The following SPTLC2 variants were observed in gnomAD, a reference collection of about 807,000 sequenced individuals.
SPTLC2 encodes serine palmitoyltransferase long chain base subunit 2.
In SPTLC2, 21 loss-of-function variants were observed where a neutral mutation model predicts 62.0. The observed-to-expected ratio is 0.34, with a 90% CI of 0.24 to 0.49. The LOEUF (loss-of-function observed/expected upper bound fraction) is 0.49, where lower values mean the gene tolerates loss of function less well. Among genes scored for constraint, SPTLC2 ranks in the 20% least tolerant of loss-of-function variants. The pLI is 0.99. For missense variants in SPTLC2, 511 were observed against 713.0 expected (o/e 0.72, Z 3.23); for synonymous variants, 261 against 261.8 (o/e 1.00, Z 0.03).
chr14:77,569,744 AC>A (rs2079666635), intron 5 of SPTLC2, among the ~76,000 whole-genome samples: 1 of 134,846 alleles, frequency 7.4e-6, no homozygotes, highest in South Asian at 2.4e-4. Context: ...CACACACACT[AC>A]CCACTTGGGG....
At chr14:77,513,769 C>A (rs543451642) in intron 11 of SPTLC2, among the ~76,000 whole-genome samples, 1 of 152,078 alleles carries the variant, frequency 6.6e-6, no homozygotes, top group Non-Finnish European at 1.5e-5. Flanking sequence ...GTGGCACATG[C>A]CTGTAATCCC....
intron 5 of SPTLC2, among the ~76,000 whole-genome samples, chr14:77,565,061 GA>G (rs1291156795): frequency 6.6e-6 from 1 of 151,816 alleles, no homozygotes; most frequent in African/African-American, 2.4e-5. Flanking sequence ...CCAACGTGGT[GA>G]AACCCCATCT....
At chr14:77,589,945 T>A (rs889435382) in intron 2 of SPTLC2, among the ~76,000 whole-genome samples, 16 of 144,990 alleles carry the variant, frequency 1.1e-4, no homozygotes, top group African/African-American at 3.9e-4. Flanking sequence ...GCGATTGCAC[T>A]CCAGCCTGGA....
intron 9 of SPTLC2, among the ~76,000 whole-genome samples, chr14:77,551,259 T>C (rs528848197): frequency 2.0e-5 from 3 of 152,014 alleles, no homozygotes; most frequent in African/African-American, 7.2e-5. Flanking sequence ...CCGGGCGTGG[T>C]GGCGGGCGCC....
At chr14:77,541,015 T>TTTTATTTATTTATTTA (rs34700249) in intron 9 of SPTLC2, among the ~76,000 whole-genome samples, 1 of 147,982 alleles carries the variant, frequency 6.8e-6, no homozygotes, top group African/African-American at 2.5e-5. Context: ...TTGCAAAACA[T>TTTTATTTATTTATTTA]TTTATTTATT....
chr14:77,590,797 AG>A (rs1373477747), intron 2 of SPTLC2, among the ~76,000 whole-genome samples: 10 of 152,222 alleles, frequency 6.6e-5, no homozygotes, highest in Non-Finnish European at 1.5e-4. Flanking sequence ...CAAAAAGGAA[AG>A]GGGGAGACAT....
intron 9 of SPTLC2, among the ~76,000 whole-genome samples, chr14:77,537,305 T>C (rs1010582068): frequency 1.3e-4 from 19 of 151,390 alleles, no homozygotes; most frequent in African/African-American, 4.4e-4. Flanking sequence ...AAAAAAGTTA[T>C]GGAAAGATTC....
intron 9 of SPTLC2, among the ~76,000 whole-genome samples, chr14:77,541,934 G>C (rs923194259): frequency 6.6e-6 from 1 of 152,134 alleles, no homozygotes; most frequent in African/African-American, 2.4e-5. Context: ...GCACGCGCCT[G>C]TAGTCCCAGC....
intron 1 of SPTLC2, among the ~76,000 whole-genome samples, chr14:77,598,943 C>T (rs2140057723): frequency 6.6e-6 from 1 of 151,782 alleles, no homozygotes; most frequent in African/African-American, 2.4e-5. Context: ...AAAGTGTGGC[C>T]CAGCATTATA....
In SPTLC2 at chr14:77,511,911, A is replaced by T. The variant is rs1415543930; in HGVS notation, c.*373T>A. 3 of 305,106 alleles carry T rather than the reference A, an allele frequency of 9.8e-6. No individual in the cohort carries two copies. The Admixed American group carries it at 1.4e-4, about 14-fold the overall frequency. The allele number at this position is 305,106 out of a possible 1,614,324, so 18.9% of individuals were successfully genotyped here. On this transcript the variant is annotated 3_prime_UTR_variant, in exon 12 of 12. Transcript: ENST00000216484. ...TCCAGGCTGCGGAGCCAGGGCCAGC[A>T]GTAGCTCTTGATGGGCCCAAGTCTG...
At chr14:77,552,805 T>TAAA (rs58847640) in intron 8 of SPTLC2, among the ~76,000 whole-genome samples, 1 of 130,984 alleles carries the variant, frequency 7.6e-6, no homozygotes, top group Admixed American at 8.1e-5. Context: ...GACTCCGTCT[T>TAAA]AAAAAAAAAA....
chr14:77,570,566 A>G, intron 4 of SPTLC2, 58 bp from the exon 5 acceptor site: 2 of 1,602,522 alleles, frequency 1.2e-6, no homozygotes, highest in Non-Finnish European at 1.7e-6. Flanking sequence ...AGAATTACTC[A>G]TCACTTTATT....
intron 9 of SPTLC2, among the ~76,000 whole-genome samples, chr14:77,531,760 C>T (rs2079442349): frequency 6.6e-6 from 1 of 152,072 alleles, no homozygotes; most frequent in Non-Finnish European, 1.5e-5. Flanking sequence ...GATCTGCTGG[C>T]CTTGGCCTCC....
chr14:77,569,370 T>C (rs1001575927), intron 5 of SPTLC2, among the ~76,000 whole-genome samples: 2 of 152,142 alleles, frequency 1.3e-5, no homozygotes, highest in Non-Finnish European at 2.9e-5. Context: ...CACAGGTGGG[T>C]TTAAATCTCC....
intron 5 of SPTLC2, among the ~76,000 whole-genome samples, chr14:77,570,075 T>C (rs903343281): frequency 6.0e-5 from 9 of 150,702 alleles, no homozygotes; most frequent in Admixed American, 4.6e-4. Context: ...TACAAAAAAT[T>C]AGCCAGGCGT....
At chr14:77,538,772 T>C (rs28662942) in intron 9 of SPTLC2, among the ~76,000 whole-genome samples, 11,374 of 152,140 alleles carry the variant, frequency 0.075, 459 homozygotes, top group African/African-American at 0.091. Flanking sequence ...GGTTTCGCCA[T>C]GTTGCTCAGG....
intron 4 of SPTLC2, 77 bp from the exon 5 acceptor site, chr14:77,570,585 T>C: frequency 6.4e-7 from 1 of 1,570,634 alleles, no homozygotes; most frequent in Non-Finnish European, 8.7e-7. Context: ...TTAAAAGAAA[T>C]CATAGTATAT....
At chr14:77,526,188 A>C (rs929443384) in intron 9 of SPTLC2, among the ~76,000 whole-genome samples, 2 of 152,222 alleles carry the variant, frequency 1.3e-5, no homozygotes, top group Admixed American at 1.3e-4. Flanking sequence ...ACCCACTTTG[A>C]CTTGAGTATC....
At chr14:77,525,737 C>G (rs371679912) in intron 9 of SPTLC2, among the ~76,000 whole-genome samples, 1 of 151,878 alleles carries the variant, frequency 6.6e-6, no homozygotes, top group Non-Finnish European at 1.5e-5. Flanking sequence ...GGTGAAACCC[C>G]GTCTCTACTA....
Sources: allele counts gnomAD v4.1 joint callset (sites outside exome capture counted in the v4.1 genomes callset), GRCh38; gene constraint gnomAD v4.1.1; transcripts MANE v1.5; gene names NCBI Gene and HGNC (gene_info 2026-07-23, HGNC 2026-07-21).